SVEP1: variants seen among roughly 807,000 people sequenced by gnomAD.
SVEP1 encodes sushi, von Willebrand factor type A, EGF and pentraxin domain containing 1, also known as sushi, von Willebrand factor type A, EGF and pentraxin domain-containing protein 1.
In SVEP1, 164 loss-of-function variants were observed where a neutral mutation model predicts 367.3. The ratio of observed to expected loss-of-function variants is 0.45; its 90% CI spans 0.39 to 0.51. SVEP1 has a LOEUF of 0.51. Among genes scored for constraint, SVEP1 ranks in the 20% least tolerant of loss-of-function variants. The pLI is 0.00. For synonymous variants in SVEP1, 1,666 were observed against 1,611.6 expected (o/e 1.03, Z -0.81); for missense variants, 4,117 against 4,425.3 (o/e 0.93, Z 1.98).
chr9:110,495,075 C>T (rs574345200), intron 8 of SVEP1, among the ~76,000 whole-genome samples: 5 of 152,282 alleles, frequency 3.3e-5, no homozygotes, highest in South Asian at 2.1e-4. Flanking sequence ...CCTTTAGTTA[C>T]GCTTCAGGTT....
intron 1 of SVEP1, 131 bp downstream of exon 1, chr9:110,578,882 T>C (rs1830656806): frequency 2.0e-6 from 2 of 1,015,526 alleles, no homozygotes; most frequent in Non-Finnish European, 2.8e-6. Flanking sequence ...TCTGGTTTTG[T>C]GGATGGGGAC....
At chr9:110,528,156 G>GTGTGTGTATGTATA in intron 3 of SVEP1, among the ~76,000 whole-genome samples, 1 of 33,950 alleles carries the variant, frequency 2.9e-5, no homozygotes, top group Admixed American at 4.5e-4. Flanking sequence ...GTGTGTGTGT[G>GTGTGTGTATGTATA]TATATATATA....
intron 36 of SVEP1, among the ~76,000 whole-genome samples, chr9:110,417,156 C>T (rs955300104): frequency 1.8e-4 from 27 of 151,564 alleles, no homozygotes; most frequent in South Asian, 2.1e-4. Context: ...CAGCTCCCAG[C>T]GTGAGCGACG....
At position 110,375,465 on chromosome 9, in the gene SVEP1, T is replaced by TTAAAAA. The variant is rs754784174; in HGVS notation, c.10505-3_10505-2insTTTTTA. 4 of 557,894 alleles carry TTAAAAA rather than the reference T, an allele frequency of 7.2e-6. No homozygotes were observed. The highest frequency in any genetic ancestry group is 1.1e-5 in the Non-Finnish European group (4 of 374,962). The allele number at this position is 557,894 out of a possible 1,614,324, so 34.6% of individuals were successfully genotyped here. On this transcript the variant is annotated splice_region_variant and splice_polypyrimidine_tract_variant and intron_variant, in intron 45 of 47. Coordinates refer to ENST00000374469, the MANE Select transcript of SVEP1 (RefSeq NM_153366.4). ...TCAGACAGGGAAGAATGCAGATTGC[T>TTAAAAA]AAAAAAAAAAAAAAAAAAAAAAAAA...
intron 1 of SVEP1, among the ~76,000 whole-genome samples, chr9:110,570,497 T>C (rs1378463005): frequency 6.7e-6 from 1 of 150,296 alleles, no homozygotes; most frequent in East Asian, 2.0e-4. Context: ...TGTGTGTGTG[T>C]GTAGACAGAG....
chr9:110,492,574 G>T (rs193227939), intron 8 of SVEP1, among the ~76,000 whole-genome samples: 2 of 152,010 alleles, frequency 1.3e-5, no homozygotes, highest in South Asian at 4.2e-4. Flanking sequence ...TGGAAAAATC[G>T]CCAGGAGGCT....
rs7046213 is a variant in SVEP1 at position 110,407,350 on chromosome 9, T to C, written c.8250A>G (p.Ala2750=). 898,157 of 1,613,460 alleles carry C rather than the reference T, an allele frequency of 0.56. 256,076 individuals are homozygous for C. Among genetic ancestry groups the C allele is most frequent in the African/African-American group, 0.88 (65,792 of 74,908 alleles). The stretch of plus-strand genomic sequence containing the variant: ...CTAGACAAAGCCTTAAGTCAGAGCC[T>C]GCTAGAATGTGTCCAGGTTTACAGC... The part of the protein sequence containing the change: ...QYSCKPGHIL[A]GSDLRLCLEN... The change falls in exon 38 of 48, where the codon GCA becomes GCG. Residue 2750 remains alanine (A), a synonymous_variant. Transcript: ENST00000374469.
Position 110,407,155 on chromosome 9 carries a change from G to A in SVEP1, c.8445C>T (p.Cys2815=). Reference sequence around the variant, plus strand: ...CCTCATCCCAGTTTTTGTCATCCTGGCATGTTCTCCTCTCAGTGCCATTCA... The same window carrying A: ...CCTCATCCCAGTTTTTGTCATCCTGACATGTTCTCCTCTCAGTGCCATTCA... The part of the protein sequence containing the change: ...YVLNGTERRT[C]QDDKNWDEDE... The change falls in exon 38 of 48, where the codon TGC becomes TGT. Residue 2815 remains cysteine (C), a synonymous_variant. Transcript: ENST00000374469. 6.2e-7 allele frequency: 1 copy of A among 1,613,972 alleles called. No individual in the cohort carries two copies. Among genetic ancestry groups the A allele is most frequent in the South Asian group, 1.1e-5 (1 of 91,080 alleles).
intron 42 of SVEP1, among the ~76,000 whole-genome samples, chr9:110,387,072 T>TCATGGAATCTGA (rs1827536244): frequency 6.6e-6 from 1 of 152,156 alleles, no homozygotes. Context: ...TAGTAATCAC[T>TCATGGAATCTGA]CATGGAATCT....
chr9:110,476,633 A>C, intron 13 of SVEP1, among the ~76,000 whole-genome samples: 1 of 150,676 alleles, frequency 6.6e-6, no homozygotes, highest in African/African-American at 2.4e-5. Flanking sequence ...CCCATCTCCC[A>C]CTCCTCTTCC....
chr9:110,404,510 G>C lies in SVEP1; in HGVS notation c.9483C>G (p.Phe3161Leu). ...GYTMDTDTDTFTCQKDGRWFP... is the reference protein window; with the variant it reads ...GYTMDTDTDTLTCQKDGRWFP... ...ACCAGCGACCATCTTTCTGACAGGT[G>C]AATGTATCTGTATCTGTATCCATCG... Residue 3161 changes from phenylalanine to leucine, a missense_variant, in exon 39 of 48, where the codon TTC becomes TTG. By Grantham distance (22) the Phe-to-Leu change is conservative. Coordinates refer to ENST00000374469, the MANE Select transcript of SVEP1 (RefSeq NM_153366.4). 1 of 1,613,938 alleles carries C rather than the reference G, an allele frequency of 6.2e-7. No homozygotes were observed. The highest frequency in any genetic ancestry group is 8.5e-7 in the Non-Finnish European group (1 of 1,179,866).
At chr9:110,455,487 TATTCTATAA>T (rs556461285) in intron 22 of SVEP1, 94 bp downstream of exon 22, 9,846 of 800,564 alleles carry the variant, frequency 0.012, 86 homozygotes, top group South Asian at 0.019. Context: ...ATGTTTATAA[TATTCTATAA>T]ATGTATCTTT....
At chr9:110,570,970 C>CTTTTTTTTTTTTTTTTTTT (rs374900472) in intron 1 of SVEP1, among the ~76,000 whole-genome samples, 1 of 114,928 alleles carries the variant, frequency 8.7e-6, no homozygotes, top group African/African-American at 3.1e-5. Context: ...CAGATGGCTC[C>CTTTTTTTTTTTTTTTTTTT]TTTTTTTTTT....
At position 110,407,960 on chromosome 9, in the gene SVEP1, T is replaced by C; in HGVS notation, c.7640A>G (p.Asp2547Gly). 6.2e-7 allele frequency: 1 copy of C among 1,614,044 alleles called. No homozygotes were observed. The highest frequency in any genetic ancestry group is 8.5e-7 in the Non-Finnish European group (1 of 1,179,906). ...TCLETGDWDV[D>G]APSCNAIHCD... Reference sequence around the variant, plus strand: ...GTGGATGGCATTGCAAGATGGGGCATCTACATCCCAATCACCTGTCTCTAA... The same window carrying C: ...GTGGATGGCATTGCAAGATGGGGCACCTACATCCCAATCACCTGTCTCTAA... The change falls in exon 38 of 48, where the codon GAT (aspartate) becomes GGT (glycine). Residue 2547 changes from aspartate to glycine, a missense_variant. By Grantham distance (94) the Asp-to-Gly change is moderately conservative. This residue lies in a region of SVEP1 where 1,765 missense variants were observed against 1,781.1 expected (regional missense o/e 0.99). Coordinates refer to ENST00000374469, the MANE Select transcript of SVEP1 (RefSeq NM_153366.4).
intron 38 of SVEP1, 33 bp downstream of exon 38, chr9:110,406,127 C>CA (rs772448218): frequency 6.6e-7 from 1 of 1,518,056 alleles, no homozygotes; most frequent in Non-Finnish European, 8.8e-7. Flanking sequence ...ATCCTGCCCG[C>CA]ACCCCTTGGA....
At chr9:110,498,313 T>A (rs868764417) in intron 7 of SVEP1, among the ~76,000 whole-genome samples, 4 of 152,210 alleles carry the variant, frequency 2.6e-5, no homozygotes, top group Admixed American at 1.3e-4. Flanking sequence ...TTTTCTTCTC[T>A]TGGTAGAGAA....
chr9:110,391,002 A>C (rs1827646278), intron 40 of SVEP1, among the ~76,000 whole-genome samples: 1 of 151,850 alleles, frequency 6.6e-6, no homozygotes, highest in Non-Finnish European at 1.5e-5. Context: ...ATTTAACAAT[A>C]ATTATTTCAG....
intron 18 of SVEP1, among the ~76,000 whole-genome samples, chr9:110,460,072 T>A: frequency 6.6e-6 from 1 of 152,128 alleles, no homozygotes; most frequent in East Asian, 1.9e-4. Flanking sequence ...GGTAATATAT[T>A]TACCTATGAG....
intron 1 of SVEP1, among the ~76,000 whole-genome samples, chr9:110,556,856 A>G (rs1248099283): frequency 6.6e-6 from 1 of 152,220 alleles, no homozygotes; most frequent in Non-Finnish European, 1.5e-5. Context: ...AAATAAATAA[A>G]TAAATACAAT....
Sources: allele counts gnomAD v4.1 joint callset (sites outside exome capture counted in the v4.1 genomes callset), GRCh38; gene constraint gnomAD v4.1.1; regional missense constraint gnomAD v4.1.1; transcripts MANE v1.5; gene names NCBI Gene and HGNC (gene_info 2026-07-23, HGNC 2026-07-21).